The following WNT7A variants were observed in gnomAD, a reference collection of about 807,000 sequenced individuals.
WNT7A encodes the protein protein Wnt-7a.
WNT7A carries 16 observed loss-of-function variants against 28.2 expected under a neutral mutation model. The ratio of observed to expected loss-of-function variants is 0.57; its 90% CI spans 0.38 to 0.86. WNT7A has a LOEUF of 0.86. Ranked by LOEUF, WNT7A falls within the 40% of genes least tolerant of loss-of-function variation. WNT7A has a pLI of 0.00. For synonymous variants in WNT7A, 190 were observed against 195.9 expected (o/e 0.97, Z 0.25); for missense variants, 411 against 489.7 (o/e 0.84, Z 1.52).
intron 3 of WNT7A, among the ~76,000 whole-genome samples, chr3:13,823,256 C>A (rs1694140952): frequency 3.3e-5 from 5 of 152,172 alleles, no homozygotes; most frequent in Admixed American, 3.3e-4. Flanking sequence ...CTCACCTCCC[C>A]ACTTGAAGAG....
intron 2 of WNT7A, among the ~76,000 whole-genome samples, chr3:13,868,017 A>T (rs1022587638): frequency 6.6e-6 from 1 of 152,184 alleles, no homozygotes; most frequent in African/African-American, 2.4e-5. Flanking sequence ...GAAGTCATTT[A>T]CTTTTGGGGA....
In WNT7A at chr3:13,819,446, G is replaced by C. The variant is rs761970806; in HGVS notation, c.571-23C>G. 1.9e-6 allele frequency: 3 copies of C among 1,608,486 alleles called. No homozygotes were observed. The African/African-American group carries it at 4.0e-5, about 21-fold the overall frequency. ...GATCTGCAGGGGAGGGCGGGGAAGA[G>C]CACAGCACAGGTCACTGCACGCCAA... On this transcript the variant is annotated intron_variant, in intron 3 of 3. Transcript: ENST00000285018.
At chr3:13,825,319 C>T (rs1220090227) in intron 3 of WNT7A, among the ~76,000 whole-genome samples, 5 of 152,204 alleles carry the variant, frequency 3.3e-5, no homozygotes, top group Non-Finnish European at 5.9e-5. Context: ...GTTTCCATGG[C>T]TGGCCTGTGC....
intron 3 of WNT7A, among the ~76,000 whole-genome samples, chr3:13,829,541 G>A (rs1308072047): frequency 1.3e-5 from 2 of 152,230 alleles, no homozygotes; most frequent in African/African-American, 4.8e-5. Context: ...GGGCAGGGCA[G>A]GGAGAGCGGC....
At chr3:13,852,273 T>G (rs1559301718) in intron 3 of WNT7A, among the ~76,000 whole-genome samples, 1 of 151,810 alleles carries the variant, frequency 6.6e-6, no homozygotes, top group Admixed American at 6.6e-5. Context: ...TGTGGTCAGG[T>G]TGAGTCTTGT....
intron 3 of WNT7A, among the ~76,000 whole-genome samples, chr3:13,821,820 G>A (rs1346814992): frequency 6.6e-6 from 1 of 152,218 alleles, no homozygotes; most frequent in Non-Finnish European, 1.5e-5. Context: ...GCTGTCTTCT[G>A]GGGGTCCTGG....
intron 1 of WNT7A, among the ~76,000 whole-genome samples, chr3:13,877,861 T>C (rs953829117): frequency 6.6e-6 from 1 of 152,212 alleles, no homozygotes; most frequent in African/African-American, 2.4e-5. Flanking sequence ...TCACCTGAAC[T>C]ATCCGAGCAA....
At chr3:13,849,828 C>T (rs527939641) in intron 3 of WNT7A, among the ~76,000 whole-genome samples, 3 of 152,200 alleles carry the variant, frequency 2.0e-5, no homozygotes, top group African/African-American at 4.8e-5. Flanking sequence ...ACAGAGAAAG[C>T]GGCCTGTGCA....
intron 2 of WNT7A, among the ~76,000 whole-genome samples, chr3:13,855,871 G>A (rs1193520399): frequency 4.6e-5 from 7 of 152,176 alleles, no homozygotes; most frequent in Admixed American, 6.5e-5. Flanking sequence ...GCCAGAGAAG[G>A]TGTTTCAGAA....
chr3:13,827,183 G>A (rs2124831796), intron 3 of WNT7A, among the ~76,000 whole-genome samples: 1 of 152,284 alleles, frequency 6.6e-6, no homozygotes, highest in Non-Finnish European at 1.5e-5. Flanking sequence ...TCAGTCAGAG[G>A]GCAACCTCCC....
chr3:13,827,610 C>T (rs1193248662), intron 3 of WNT7A, among the ~76,000 whole-genome samples: 1 of 152,098 alleles, frequency 6.6e-6, no homozygotes, highest in African/African-American at 2.4e-5. Context: ...TCGGGCTGCC[C>T]AGGGGACCTA....
chr3:13,865,813 G>A lies in WNT7A; in HGVS notation c.298+9134C>T, dbSNP rs149415151. Among the ~76,000 whole-genome samples, 686 of 152,144 alleles carry A rather than the reference G, an allele frequency of 4.5e-3. 1 individual carries two copies. The highest frequency in any genetic ancestry group is 0.014 in the Middle Eastern group (4 of 294). ...CCAGGCCCCAGGACACATGCTGGCG[G>A]TCTGGGGAGAAGAGGATCAGCAGAT... On this transcript the variant is annotated intron_variant, in intron 2 of 3. Coordinates refer to ENST00000285018, the MANE Select transcript of WNT7A (RefSeq NM_004625.4).
At chr3:13,842,954 A>G (rs980082224) in intron 3 of WNT7A, among the ~76,000 whole-genome samples, 3 of 152,178 alleles carry the variant, frequency 2.0e-5, no homozygotes, top group African/African-American at 7.2e-5. Context: ...ACAAGGGCAG[A>G]GGCCCCCTCT....
intron 3 of WNT7A, among the ~76,000 whole-genome samples, chr3:13,824,067 CTCTT>C (rs142366192): frequency 2.0e-4 from 31 of 152,330 alleles, no homozygotes; most frequent in Non-Finnish European, 4.3e-4. Flanking sequence ...TATTAGCAAA[CTCTT>C]TCTTTTTTAA....
intron 3 of WNT7A, among the ~76,000 whole-genome samples, chr3:13,827,398 G>A (rs1235625110): frequency 6.6e-6 from 1 of 152,152 alleles, no homozygotes; most frequent in East Asian, 1.9e-4. Context: ...CCACTGGAGG[G>A]AGAAAAATCA....
chr3:13,834,101 T>A (rs940426020), intron 3 of WNT7A, among the ~76,000 whole-genome samples: 1 of 152,108 alleles, frequency 6.6e-6, no homozygotes, highest in Non-Finnish European at 1.5e-5. Flanking sequence ...CTCCCAGAAG[T>A]TTCCCCCACA....
At chr3:13,839,474 C>T (rs1694423242) in intron 3 of WNT7A, among the ~76,000 whole-genome samples, 2 of 152,192 alleles carry the variant, frequency 1.3e-5, no homozygotes, top group African/African-American at 4.8e-5. Flanking sequence ...TTAAACCTAA[C>T]CCTCACCAGG....
At chr3:13,848,774 C>CA (rs1215734763) in intron 3 of WNT7A, among the ~76,000 whole-genome samples, 15 of 151,454 alleles carry the variant, frequency 9.9e-5, no homozygotes, top group South Asian at 2.1e-4. Flanking sequence ...TTCACACACA[C>CA]AAAAAAAAAA....
chr3:13,819,722 T>C (rs1694081074), intron 3 of WNT7A, among the ~76,000 whole-genome samples: 1 of 152,182 alleles, frequency 6.6e-6, no homozygotes. Flanking sequence ...AAAGAATGAA[T>C]TGCTCACACA....
Sources: gnomAD v4.1 joint callset for allele counts (sites outside exome capture counted in the v4.1 genomes callset) on GRCh38, gnomAD v4.1.1 for gene constraint, MANE v1.5 for transcripts, NCBI Gene and HGNC (gene_info 2026-07-23, HGNC 2026-07-21) for gene names.